Variants in SHROOM3 observed in about 807,000 individuals in gnomAD.
SHROOM3 encodes protein Shroom3.
Under a neutral mutation model 138.6 loss-of-function variants are expected in SHROOM3, and 47 were observed. The observed-to-expected ratio is 0.34, with a 90% CI of 0.27 to 0.43. The LOEUF is 0.43. Ranked by LOEUF, SHROOM3 falls within the 20% of genes least tolerant of loss-of-function variation. The probability of loss-of-function intolerance (pLI) is 1.00; values close to 1 mark genes in which losing one functional copy is unlikely to be tolerated. For missense variants in SHROOM3, 2,491 were observed against 2,596.5 expected (o/e 0.96, Z 0.88); for synonymous variants, 1,062 against 1,063.3 (o/e 1.00, Z 0.02).
At chr4:76,527,624 A>G (rs772714061) in intron 1 of SHROOM3, among the ~76,000 whole-genome samples, 1 of 152,234 alleles carries the variant, frequency 6.6e-6, no homozygotes. Flanking sequence ...TAAAACAAAA[A>G]AAGAGATTGA....
chr4:76,749,212 G>A lies in SHROOM3; in HGVS notation c.3827+122G>A, dbSNP rs1578016699. 4 of 963,184 alleles carry A rather than the reference G, an allele frequency of 4.2e-6. No homozygotes were observed. In the East Asian group the frequency reaches 9.9e-5, roughly 24 times the overall value. The allele number at this position is 963,184 out of a possible 1,614,324, so 59.7% of individuals were successfully genotyped here. A position where few individuals can be genotyped will look rare whatever the true frequency, so the allele number is the denominator to read the frequency against. The stretch of plus-strand genomic sequence containing the variant: ...ATAGTGTCACATGCTTTTTTGATTT[G>A]TCTAGGCCATGGATAACTTTTTTTT... On this transcript the variant is annotated intron_variant, in intron 6 of 10. Coordinates refer to ENST00000296043, the MANE Select transcript of SHROOM3 (RefSeq NM_020859.4).
chr4:76,438,183 C>T (rs1253380604), intron 1 of SHROOM3, among the ~76,000 whole-genome samples: 2 of 152,176 alleles, frequency 1.3e-5, no homozygotes, highest in Non-Finnish European at 2.9e-5. Flanking sequence ...ACATAACAGT[C>T]TGAGCATAAG....
At chr4:76,728,746 C>T (rs562879296) in intron 3 of SHROOM3, among the ~76,000 whole-genome samples, 1 of 152,300 alleles carries the variant, frequency 6.6e-6, no homozygotes, top group Admixed American at 6.5e-5. Context: ...ATGTTTACCC[C>T]CGTGATTTCA....
intron 1 of SHROOM3, among the ~76,000 whole-genome samples, chr4:76,554,704 G>C (rs1733443235): frequency 6.6e-6 from 1 of 152,138 alleles, no homozygotes; most frequent in African/African-American, 2.4e-5. Flanking sequence ...ACAGGCATGA[G>C]CCACCGTACC....
At chr4:76,759,850 T>C (rs1034093873) in intron 9 of SHROOM3, among the ~76,000 whole-genome samples, 155 bp downstream of exon 9, 1 of 152,224 alleles carries the variant, frequency 6.6e-6, no homozygotes, top group African/African-American at 2.4e-5. Flanking sequence ...TGGATTTACA[T>C]GGCACTTTAA....
Position 76,778,989 on chromosome 4 carries a change from C to A in SHROOM3, c.5803C>A (p.Gln1935Lys). 1.9e-6 allele frequency: 3 copies of A among 1,614,182 alleles called. No homozygotes were observed. Among genetic ancestry groups the A allele is most frequent in the Middle Eastern group, 1.7e-4 (1 of 6,054 alleles). The change falls in exon 11 of 11, where the codon CAA becomes AAA. Residue 1935 changes from glutamine (Q) to lysine (K), a missense_variant. Gln to Lys is a moderately conservative substitution (Grantham distance 53). This residue lies in a region of SHROOM3 where 470 missense variants were observed against 595.0 expected (regional missense o/e 0.79). Transcript: ENST00000296043. ...VKMKSTLLIE[Q>K]RKLDDKIKLG... ...AATGAAGTCCACGCTCCTCATTGAG[C>A]AACGGAAGCTGGATGACAAGATCAA...
intron 1 of SHROOM3, among the ~76,000 whole-genome samples, chr4:76,542,597 G>T (rs142019206): frequency 6.6e-6 from 1 of 152,192 alleles, no homozygotes; most frequent in Admixed American, 6.5e-5. Flanking sequence ...GAAAGAAGCC[G>T]TAAGTTAGGT....
chr4:76,541,297 G>GCTAA (rs58060818), intron 1 of SHROOM3, among the ~76,000 whole-genome samples: 18,514 of 152,122 alleles, frequency 0.12, 1,298 homozygotes, highest in African/African-American at 0.17. Context: ...GAATAAACGT[G>GCTAA]CTAAGATGGC....
chr4:76,734,792 T>C (rs1293547357), intron 4 of SHROOM3, among the ~76,000 whole-genome samples: 2 of 152,250 alleles, frequency 1.3e-5, no homozygotes, highest in East Asian at 3.8e-4. Flanking sequence ...TTAAATATTA[T>C]AGATACAGTC....
chr4:76,734,470 A>G (rs878857356), intron 4 of SHROOM3, among the ~76,000 whole-genome samples: 17 of 152,108 alleles, frequency 1.1e-4, no homozygotes, highest in Admixed American at 7.9e-4. Context: ...AAATGTTTTC[A>G]TACACTTATT....
chr4:76,632,556 C>T (rs1418940300), intron 2 of SHROOM3, among the ~76,000 whole-genome samples: 2 of 152,086 alleles, frequency 1.3e-5, no homozygotes, highest in Non-Finnish European at 1.5e-5. Flanking sequence ...AGAGCAATTA[C>T]TGGGGATGGA....
chr4:76,499,711 G>T (rs193117476), intron 1 of SHROOM3, among the ~76,000 whole-genome samples: 183 of 152,260 alleles, frequency 1.2e-3, no homozygotes, highest in African/African-American at 4.2e-3. Context: ...CACAGAAGAG[G>T]TTCTTCCTGG....
At chr4:76,549,914 T>TG (rs1472313602) in intron 1 of SHROOM3, among the ~76,000 whole-genome samples, 1 of 152,122 alleles carries the variant, frequency 6.6e-6, no homozygotes, top group Admixed American at 6.6e-5. Flanking sequence ...AGTCCTCCCT[T>TG]GGACCTACTG....
At chr4:76,750,116 A>G (rs1324549777) in intron 6 of SHROOM3, among the ~76,000 whole-genome samples, 1 of 152,220 alleles carries the variant, frequency 6.6e-6, no homozygotes, top group African/African-American at 2.4e-5. Context: ...AGCCTTCTAC[A>G]TTTATATGCT....
At chr4:76,477,956 C>CT (rs1414862161) in intron 1 of SHROOM3, among the ~76,000 whole-genome samples, 5 of 152,196 alleles carry the variant, frequency 3.3e-5, no homozygotes, top group African/African-American at 1.2e-4. Flanking sequence ...AGACATTATG[C>CT]TTTTCCCATG....
intron 2 of SHROOM3, among the ~76,000 whole-genome samples, chr4:76,681,625 G>GTGTGTATGTA (rs1553936160): frequency 0.023 from 2,715 of 117,966 alleles, 166 homozygotes; most frequent in African/African-American, 0.09. Context: ...GTGTGTGTGT[G>GTGTGTATGTA]TGTGTGTGTA....
intron 3 of SHROOM3, among the ~76,000 whole-genome samples, chr4:76,728,716 G>C (rs1055251389): frequency 6.6e-6 from 1 of 152,144 alleles, no homozygotes; most frequent in East Asian, 1.9e-4. Context: ...AGGTGGGTGA[G>C]GTCTGTTTCT....
Position 76,513,512 on chromosome 4 carries a change from C to T in SHROOM3, c.169-42097C>T, listed in dbSNP as rs560762078. Among the ~76,000 whole-genome samples, 15 of 152,242 alleles carry T rather than the reference C, an allele frequency of 9.9e-5. No homozygotes were observed. The South Asian group carries it at 3.1e-3, about 32-fold the overall frequency. On this transcript the variant is annotated intron_variant, in intron 1 of 10. Coordinates refer to ENST00000296043, the MANE Select transcript of SHROOM3 (RefSeq NM_020859.4). ...TATTTTTAGTAGAGATGGGGTTTTA[C>T]CATGTTGGTCAGGCTGGTCTTGAAC...
chr4:76,523,130 C>T (rs1008421740), intron 1 of SHROOM3, among the ~76,000 whole-genome samples: 1 of 152,204 alleles, frequency 6.6e-6, no homozygotes, highest in African/African-American at 2.4e-5. Flanking sequence ...TGTCCTCCAG[C>T]TTCTGGTAGT....
Sources: allele counts gnomAD v4.1 joint callset (sites outside exome capture counted in the v4.1 genomes callset), GRCh38; gene constraint gnomAD v4.1.1; regional missense constraint gnomAD v4.1.1; transcripts MANE v1.5; gene names NCBI Gene and HGNC (gene_info 2026-07-23, HGNC 2026-07-21).